The following CAND2 variants were observed in gnomAD, a reference collection of about 807,000 sequenced individuals.
CAND2 encodes cullin-associated NEDD8-dissociated protein 2.
A neutral mutation model predicts 98.9 loss-of-function variants in CAND2; 62 were observed. The observed-to-expected ratio is 0.63, with a 90% CI of 0.51 to 0.77. The LOEUF is 0.77. Among genes scored for constraint, CAND2 ranks in the 30% least tolerant of loss-of-function variants. The pLI, the probability that CAND2 is intolerant of heterozygous loss-of-function variation, is 0.00. For synonymous variants in CAND2, 770 were observed against 731.9 expected (o/e 1.05, Z -0.84); for missense variants, 1,501 against 1,655.2 (o/e 0.91, Z 1.62).
chr3:12,797,091 T>G (rs1340244298), intron 1 of CAND2, among the ~76,000 whole-genome samples: 2 of 142,668 alleles, frequency 1.4e-5, no homozygotes, highest in Non-Finnish European at 3.1e-5. Flanking sequence ...GCTCCACCCC[T>G]CTGCACCCTG....
intron 5 of CAND2, among the ~76,000 whole-genome samples, chr3:12,810,580 G>A (rs1163584020): frequency 6.6e-6 from 1 of 152,228 alleles, no homozygotes; most frequent in Non-Finnish European, 1.5e-5. Flanking sequence ...CCCTGAGCTC[G>A]ACAAACCCCC....
chr3:12,797,431 T>G (rs2061734740), intron 1 of CAND2, among the ~76,000 whole-genome samples: 1 of 151,812 alleles, frequency 6.6e-6, no homozygotes, highest in Non-Finnish European at 1.5e-5. Flanking sequence ...GGCTTTCCAG[T>G]CACAGGTAGG....
In CAND2 at chr3:12,834,796, CT is replaced by C. The variant is rs1575787042; in HGVS notation, c.*815del. 6.6e-6 allele frequency: 1 copy of C among 152,246 alleles called. No individual in the cohort carries two copies. The highest frequency in any genetic ancestry group is 1.9e-4 in the East Asian group (1 of 5,186). The allele number at this position is 152,246 out of a possible 1,614,324, so 9.4% of individuals were successfully genotyped here. A position where few individuals can be genotyped will look rare whatever the true frequency, so the allele number is the denominator to read the frequency against. ...ATCCCAGGTTAATAAAGATTAGATT[CT>C]AAGTTACTTCTTTCCTCTGCACGAC... On this transcript the variant is annotated 3_prime_UTR_variant, in exon 15 of 15. Coordinates refer to ENST00000456430, the MANE Select transcript of CAND2 (RefSeq NM_001162499.2).
At position 12,834,603 on chromosome 3, in the gene CAND2, A is replaced by G. The variant is rs2062084519; in HGVS notation, c.*621A>G. ...GGCTTGGACCTCATGTTTCATTTCT[A>G]ATTTCAAAATACTTATTAGCAAATT... is the stretch of plus-strand genomic sequence containing the variant. On this transcript the variant is annotated 3_prime_UTR_variant, in exon 15 of 15. Transcript: ENST00000456430. 2.6e-5 allele frequency: 4 copies of G among 152,464 alleles called. No individual in the cohort carries two copies. In the South Asian group the frequency reaches 6.2e-4, roughly 24 times the overall value. 9.4% of individuals were successfully genotyped at this position (152,464 alleles called of 1,614,324 possible).
intron 12 of CAND2, among the ~76,000 whole-genome samples, chr3:12,826,616 G>A (rs1029330296): frequency 6.6e-6 from 1 of 151,964 alleles, no homozygotes; most frequent in Non-Finnish European, 1.5e-5. Context: ...TTTTTGTAGA[G>A]ATGCGGTTTT....
chr3:12,801,917 A>T (rs2061769487), intron 1 of CAND2, among the ~76,000 whole-genome samples: 1 of 152,178 alleles, frequency 6.6e-6, no homozygotes, highest in Non-Finnish European at 1.5e-5. Context: ...CCACTGCTCT[A>T]AGGGCAGGGA....
chr3:12,807,876 C>T (rs752095669), intron 3 of CAND2, among the ~76,000 whole-genome samples: 18 of 152,208 alleles, frequency 1.2e-4, no homozygotes, highest in Non-Finnish European at 2.5e-4. Context: ...TTATATCTCA[C>T]TGGCAAGAGC....
intron 5 of CAND2, among the ~76,000 whole-genome samples, chr3:12,811,259 T>C (rs375775438): frequency 4.6e-5 from 7 of 152,198 alleles, no homozygotes; most frequent in East Asian, 1.9e-4. Context: ...TCAGGATCCA[T>C]TGGGCAGGAA....
chr3:12,810,376 G>A (rs1410094785), intron 5 of CAND2, 52 bp downstream of exon 5: 8 of 1,377,066 alleles, frequency 5.8e-6, no homozygotes, highest in African/African-American at 3.0e-5. Flanking sequence ...GGAGCTTAGG[G>A]TGAGCCAATG....
chr3:12,808,251 C>CGGA lies in CAND2; in HGVS notation c.409_410insGGA (p.Gln137delinsArgLys), dbSNP rs1223596182. The stretch of plus-strand genomic sequence containing the variant: ...CAACGTGTGCCGGAAGATCACAGGC[C>CGGA]AGCTCACCAGTGCCATTGCCCAGCA... On this transcript the variant is annotated protein_altering_variant, in exon 4 of 15. Transcript: ENST00000456430. 18 of 1,551,314 alleles carry CGGA rather than the reference C, an allele frequency of 1.2e-5. No homozygotes were observed. In the East Asian group the frequency reaches 4.4e-4, roughly 38 times the overall value.
intron 11 of CAND2, among the ~76,000 whole-genome samples, chr3:12,822,339 G>T (rs4684884): frequency 6.8e-5 from 10 of 147,386 alleles, no homozygotes; most frequent in South Asian, 2.2e-4. Context: ...CTGTCACCCA[G>T]GCTGGAAGGC....
In CAND2 at chr3:12,813,081, G is replaced by C; in HGVS notation, c.849G>C (p.Glu283Asp). 2 of 1,578,314 alleles carry C rather than the reference G, an allele frequency of 1.3e-6. No homozygotes were observed. The highest frequency in any genetic ancestry group is 1.7e-6 in the Non-Finnish European group (2 of 1,162,008). ...GGGAGTCCTGCCTCCAGGCTTTTGA[G>C]GCCTTCTTGAGGAAGTATGTATGGT... ...ELRESCLQAFEAFLRKCPKEM... is the reference protein window; with the variant it reads ...ELRESCLQAFDAFLRKCPKEM... Residue 283 changes from glutamate (E) to aspartate (D), a missense_variant, in exon 6 of 15, where the codon GAG becomes GAC. Glu to Asp is a conservative substitution (Grantham distance 45). This residue lies in a region of CAND2 where 1,427 missense variants were observed against 1,545.3 expected (regional missense o/e 0.92). Transcript: ENST00000456430.
chr3:12,808,537 T>C (rs2061824996), intron 4 of CAND2, among the ~76,000 whole-genome samples: 1 of 152,210 alleles, frequency 6.6e-6, no homozygotes, highest in Admixed American at 6.5e-5. Context: ...CTCCCATGAC[T>C]TGAACACCTG....
rs929774035 is a variant in CAND2, at chr3:12,815,077, TC to T, written c.1007-59del. ...AGCTCTCTCTCCTCCCTGTCCCTTCTCCCCCGAGCCACAGACCTGTCCTGGG... is the reference window on the plus strand; with the variant it reads ...AGCTCTCTCTCCTCCCTGTCCCTTCTCCCCGAGCCACAGACCTGTCCTGGG... On this transcript the variant is annotated intron_variant, in intron 7 of 14. Coordinates refer to ENST00000456430, the MANE Select transcript of CAND2 (RefSeq NM_001162499.2). This position sits in a 1 kb window ranked among gnomAD's most constrained non-coding sequence, Gnocchi z 5.7. 1.0e-4 allele frequency: 154 copies of T among 1,522,378 alleles called. No homozygotes were observed. Among genetic ancestry groups the T allele is most frequent in the Non-Finnish European group, 1.3e-4 (150 of 1,118,874 alleles). The allele number at this position is 1,522,378 out of a possible 1,614,324, so 94.3% of individuals were successfully genotyped here. A position where few individuals can be genotyped will look rare whatever the true frequency, so the allele number is the denominator to read the frequency against.
chr3:12,825,004 ATC>A (rs2061987978), intron 11 of CAND2, among the ~76,000 whole-genome samples: 1 of 152,172 alleles, frequency 6.6e-6, no homozygotes, highest in African/African-American at 2.4e-5. Flanking sequence ...GACCTCTCTG[ATC>A]TTTAAGAGCC....
At chr3:12,832,900 A>G (rs1024503858) in intron 14 of CAND2, among the ~76,000 whole-genome samples, 4 of 152,232 alleles carry the variant, frequency 2.6e-5, no homozygotes, top group Admixed American at 6.5e-5. Flanking sequence ...CTAAAACCCA[A>G]AATGTCTTGG....
chr3:12,807,015 C>T, intron 2 of CAND2: 1 of 296,854 alleles, frequency 3.4e-6, no homozygotes, highest in Non-Finnish European at 6.3e-6. Context: ...TTTAAACAAG[C>T]CCGCCAGGGG....
chr3:12,810,119 G>A lies in CAND2; in HGVS notation c.552G>A (p.Leu184=), dbSNP rs747666727. 1.3e-6 allele frequency: 2 copies of A among 1,515,596 alleles called. No individual in the cohort carries two copies. Among genetic ancestry groups the A allele is most frequent in the Non-Finnish European group, 1.8e-6 (2 of 1,135,792 alleles). The allele number at this position is 1,515,596 out of a possible 1,614,324, so 93.9% of individuals were successfully genotyped here. The change falls in exon 5 of 15, where the codon CTG becomes CTA. Residue 184 remains leucine, a synonymous_variant. Transcript: ENST00000456430. ...ASLLHCLLPQ[L]SSPRLAVRKR... ...TCCTGCACTGTCTGCTGCCACAGCTGAGCAGCCCGCGCCTGGCGGTGCGCA... is the reference window on the plus strand; with the variant it reads ...TCCTGCACTGTCTGCTGCCACAGCTAAGCAGCCCGCGCCTGGCGGTGCGCA...
At chr3:12,808,460 G>T in intron 4 of CAND2, 127 bp downstream of exon 4, 1 of 1,058,642 alleles carries the variant, frequency 9.4e-7, no homozygotes, top group South Asian at 1.6e-5. Context: ...CATCCCAGCA[G>T]CCTCGTAAAG....
Sources: allele counts gnomAD v4.1 joint callset (sites outside exome capture counted in the v4.1 genomes callset), GRCh38; gene constraint gnomAD v4.1.1; regional missense constraint gnomAD v4.1.1; non-coding constraint Gnocchi (gnomAD v3.1); transcripts MANE v1.5; gene names NCBI Gene and HGNC (gene_info 2026-07-23, HGNC 2026-07-21).